Variants in VPS13A observed in about 807,000 individuals in gnomAD.
The protein encoded by VPS13A is vacuolar protein sorting 13 homolog A.
In VPS13A, 264 loss-of-function variants were observed where a neutral mutation model predicts 390.9. That is an observed-to-expected ratio of 0.68 (90% CI 0.61 to 0.75). The LOEUF is 0.75. VPS13A is among the 30% of genes least tolerant of loss of function. The pLI is 0.00. For missense variants in VPS13A, 3,409 were observed against 3,733.9 expected (o/e 0.91, Z 2.27); for synonymous variants, 1,231 against 1,227.1 (o/e 1.00, Z -0.07).
chr9:77,384,098 T>TA (rs1166004728), intron 68 of VPS13A, among the ~76,000 whole-genome samples: 1 of 151,814 alleles, frequency 6.6e-6, no homozygotes, highest in Non-Finnish European at 1.5e-5. Flanking sequence ...GCCTAGATTT[T>TA]ATGTAAGTGA....
intron 70 of VPS13A, 93 bp from the exon 71 acceptor site, chr9:77,407,440 T>A: frequency 9.8e-7 from 1 of 1,015,590 alleles, no homozygotes; most frequent in South Asian, 1.3e-5. Flanking sequence ...AGAGGGACAC[T>A]TTAGGCATAC....
intron 70 of VPS13A, 119 bp from the exon 71 acceptor site, chr9:77,407,414 G>A (rs574947418): frequency 2.5e-5 from 19 of 752,576 alleles, no homozygotes; most frequent in Non-Finnish European, 4.3e-5. Flanking sequence ...CTTTTTTAAG[G>A]TGCATGATTT....
chr9:77,358,429 A>G lies in VPS13A; in HGVS notation c.8026A>G (p.Met2676Val), dbSNP rs767067446. 13 of 1,612,814 alleles carry G rather than the reference A, an allele frequency of 8.1e-6. No individual in the cohort carries two copies. Among genetic ancestry groups the G allele is most frequent in the Admixed American group, 6.7e-5 (4 of 60,000 alleles). The change falls in exon 57 of 72, where the codon ATG (methionine) becomes GTG (valine). Residue 2676 changes from methionine (M) to valine (V), a missense_variant. Met to Val is a conservative substitution (Grantham distance 21). Transcript: ENST00000360280. ...YPVKPPKSVT[M>V]DSAPKPFTDV... Reference sequence around the variant, plus strand: ...TGTTAAACCTCCAAAGTCGGTCACCATGGATTCAGGTTTGTTTTTATTTTT... The same window carrying G: ...TGTTAAACCTCCAAAGTCGGTCACCGTGGATTCAGGTTTGTTTTTATTTTT...
chr9:77,391,541 C>G (rs151196983), intron 68 of VPS13A, among the ~76,000 whole-genome samples: 8 of 152,230 alleles, frequency 5.3e-5, no homozygotes, highest in African/African-American at 1.9e-4. Context: ...ATATCCTAGT[C>G]ACTTCTAATG....
In VPS13A at chr9:77,321,613, C is replaced by T; in HGVS notation, c.5697C>T (p.Leu1899=). The T allele has an allele frequency of 6.2e-7, 1 of 1,613,334 alleles. No individual in the cohort carries two copies. Residue 1899 remains leucine, a synonymous_variant, in exon 44 of 72, where the codon CTC becomes CTT. Transcript: ENST00000360280. ...SVSPSDSFSV[L]NIPMAKSYVL... ...CGCCAAGTGATTCTTTTAGTGTACTCAACATTCCTATGGCAAAATCATATG... is the reference window on the plus strand; with the variant it reads ...CGCCAAGTGATTCTTTTAGTGTACTTAACATTCCTATGGCAAAATCATATG...
At chr9:77,292,296 T>C (rs1434497599) in intron 31 of VPS13A, among the ~76,000 whole-genome samples, 1 of 152,158 alleles carries the variant, frequency 6.6e-6, no homozygotes, top group African/African-American at 2.4e-5. Flanking sequence ...CTTACCTATA[T>C]TGTATAGTAT....
chr9:77,369,403 A>G lies in VPS13A; in HGVS notation c.8658A>G (p.Glu2886=). The change falls in exon 63 of 72, where the codon GAA becomes GAG. Residue 2886 remains glutamate (E), a synonymous_variant. Transcript: ENST00000360280. The part of the protein sequence containing the change: ...FSEGVEAFFY[E]PYQGAIQGPE... The stretch of plus-strand genomic sequence containing the variant: ...AAGGTGTAGAAGCATTTTTTTATGA[A>G]CCTTACCAGGTAAAATAGTTATTTT... 3 of 1,594,076 alleles carry G rather than the reference A, an allele frequency of 1.9e-6. No individual in the cohort carries two copies. In the African/African-American group the frequency reaches 4.0e-5, roughly 21 times the overall value.
At chr9:77,394,047 C>T (rs1057118178) in intron 68 of VPS13A, among the ~76,000 whole-genome samples, 3 of 151,976 alleles carry the variant, frequency 2.0e-5, no homozygotes, top group Admixed American at 6.6e-5. Flanking sequence ...GGATTACAGG[C>T]ATGAGCCACC....
Position 77,323,187 on chromosome 9 carries a change from T to C in VPS13A, c.5951T>C (p.Val1984Ala). 6.2e-7 allele frequency: 1 copy of C among 1,613,466 alleles called. No individual in the cohort carries two copies. The highest frequency in any genetic ancestry group is 8.5e-7 in the Non-Finnish European group (1 of 1,179,584). The change falls in exon 45 of 72, where the codon GTA becomes GCA. Residue 1984 changes from valine (V) to alanine (A), a missense_variant. This residue lies in a region of VPS13A where 2,717 missense variants were observed against 2,917.4 expected (regional missense o/e 0.93). Coordinates refer to ENST00000360280, the MANE Select transcript of VPS13A (RefSeq NM_033305.3). The part of the protein sequence containing the change: ...ERSIVCQIDT[V>A]EGSKKVTIRS... ...TCTATTGTTTGTCAAATTGATACAG[T>C]AGAAGGAAGTAAGAAGGTCACAATT...
In VPS13A at chr9:77,227,480, A is replaced by C. The variant is rs769826126; in HGVS notation, c.1447A>C (p.Lys483Gln). 5.6e-6 allele frequency: 9 copies of C among 1,608,548 alleles called. No homozygotes were observed. The highest frequency in any genetic ancestry group is 1.7e-5 in the Admixed American group (1 of 59,922). The change falls in exon 16 of 72, where the codon AAA becomes CAA. Residue 483 changes from lysine to glutamine, a missense_variant. Physicochemically the swap from Lys to Gln is moderately conservative, Grantham distance 53 (BLOSUM62 1). Coordinates refer to ENST00000360280, the MANE Select transcript of VPS13A (RefSeq NM_033305.3). ...SETAVDPTLL[K>Q]TFEALKFFVH... ...AACAGCAGTTGATCCAACTTTACTA[A>C]AAACAGTAAGATGTTTTCTTGCCTT...
At chr9:77,249,582 G>A (rs1238879096) in intron 20 of VPS13A, among the ~76,000 whole-genome samples, 1 of 152,188 alleles carries the variant, frequency 6.6e-6, no homozygotes, top group African/African-American at 2.4e-5. Flanking sequence ...TCTCCAGGAT[G>A]TTTAAGTGAA....
At chr9:77,216,039 T>C (rs989442997) in intron 10 of VPS13A, among the ~76,000 whole-genome samples, 1 of 152,174 alleles carries the variant, frequency 6.6e-6, no homozygotes, top group Non-Finnish European at 1.5e-5. Flanking sequence ...GAGCTGGGTG[T>C]GGGAGAAGCC....
intron 71 of VPS13A, among the ~76,000 whole-genome samples, chr9:77,415,539 G>A (rs1047757708): frequency 4.6e-5 from 7 of 152,160 alleles, no homozygotes; most frequent in Non-Finnish European, 1.0e-4. Context: ...TATTGTGAGA[G>A]CACCTAAAAT....
chr9:77,362,055 G>A (rs938896580), intron 59 of VPS13A, among the ~76,000 whole-genome samples: 9 of 151,930 alleles, frequency 5.9e-5, no homozygotes, highest in Non-Finnish European at 8.8e-5. Flanking sequence ...GCATATTCTC[G>A]ATACAGGTCT....
At chr9:77,360,018 T>G (rs982776102) in intron 58 of VPS13A, among the ~76,000 whole-genome samples, 68 of 152,292 alleles carry the variant, frequency 4.5e-4, no homozygotes, top group African/African-American at 1.6e-3. Context: ...AAACAGAAGA[T>G]GGACTGAAAC....
At chr9:77,349,230 T>C (rs994688785) in intron 52 of VPS13A, among the ~76,000 whole-genome samples, 4 of 152,304 alleles carry the variant, frequency 2.6e-5, no homozygotes, top group Non-Finnish European at 5.9e-5. Flanking sequence ...CCTTTCTTCC[T>C]TCCTTATGTA....
intron 31 of VPS13A, among the ~76,000 whole-genome samples, chr9:77,284,079 G>A (rs141977827): frequency 4.6e-5 from 7 of 151,658 alleles, no homozygotes; most frequent in Non-Finnish European, 8.8e-5. Flanking sequence ...TGTCATCAGC[G>A]ATCACTAGTA....
chr9:77,345,979 A>G (rs1025443203), intron 52 of VPS13A, among the ~76,000 whole-genome samples: 1 of 152,160 alleles, frequency 6.6e-6, no homozygotes, highest in African/African-American at 2.4e-5. Flanking sequence ...GTTTCTAAAC[A>G]TGTGTGCAAG....
intron 17 of VPS13A, among the ~76,000 whole-genome samples, chr9:77,229,663 C>T (rs778263700): frequency 1.7e-4 from 26 of 152,088 alleles, no homozygotes; most frequent in Non-Finnish European, 3.4e-4. Flanking sequence ...TTTGTTTATC[C>T]ATTTAACTGT....
Sources: gnomAD v4.1 joint callset for allele counts (sites outside exome capture counted in the v4.1 genomes callset) on GRCh38, gnomAD v4.1.1 for gene constraint, gnomAD v4.1.1 regional missense constraint, MANE v1.5 for transcripts, NCBI Gene and HGNC (gene_info 2026-07-23, HGNC 2026-07-21) for gene names.